ERO1B: variants seen among roughly 807,000 people sequenced by gnomAD.
The protein encoded by ERO1B is endoplasmic reticulum oxidoreductase 1 beta.
Under a neutral mutation model 75.3 loss-of-function variants are expected in ERO1B, and 49 were observed. That is an observed-to-expected ratio of 0.65 (90% CI 0.52 to 0.83). The LOEUF is 0.83. ERO1B is among the 40% of genes least tolerant of loss of function. ERO1B has a pLI of 0.00. For missense variants in ERO1B, 512 were observed against 560.1 expected, an observed-to-expected ratio of 0.91 and a Z score of 0.87; for synonymous variants, 191 against 192.9, an observed-to-expected ratio of 0.99 and a Z score of 0.08.
chr1:236,263,515 C>T (rs1205252373), intron 2 of ERO1B, among the ~76,000 whole-genome samples: 2 of 152,078 alleles, frequency 1.3e-5, no homozygotes, highest in Non-Finnish European at 2.9e-5. Flanking sequence ...TCCCAAAGTG[C>T]TTGGATTACA....
intron 5 of ERO1B, among the ~76,000 whole-genome samples, chr1:236,246,630 C>T (rs1007036292): frequency 6.6e-6 from 1 of 152,124 alleles, no homozygotes; most frequent in Admixed American, 6.6e-5. Flanking sequence ...CACATGTTAA[C>T]AAAAAGAAGC....
At chr1:236,275,137 C>T (rs1400851391) in intron 1 of ERO1B, among the ~76,000 whole-genome samples, 1 of 152,244 alleles carries the variant, frequency 6.6e-6, no homozygotes, top group African/African-American at 2.4e-5. Context: ...TATTTTCTCA[C>T]ACCAACCAAT....
At chr1:236,253,244 C>G (rs953617660) in intron 3 of ERO1B, among the ~76,000 whole-genome samples, 178 bp downstream of exon 3, 1 of 152,132 alleles carries the variant, frequency 6.6e-6, no homozygotes, top group African/African-American at 2.4e-5. Flanking sequence ...TCTTCAAACC[C>G]ATTTTGGTGT....
At chr1:236,280,116 T>A (rs796582237) in intron 1 of ERO1B, among the ~76,000 whole-genome samples, 2 of 152,126 alleles carry the variant, frequency 1.3e-5, no homozygotes, top group East Asian at 3.8e-4. Context: ...AGTCCCCATC[T>A]CTACACAAGA....
Position 236,215,390 on chromosome 1 carries a change from T to C in ERO1B, c.*3126A>G, listed in dbSNP as rs955110357. Among the ~76,000 whole-genome samples, 1 of 152,198 alleles carries C rather than the reference T, an allele frequency of 6.6e-6. No individual in the cohort carries two copies. Among genetic ancestry groups the C allele is most frequent in the Non-Finnish European group, 1.5e-5 (1 of 68,026 alleles). ...TATTCTTTTAAAGCCAAACTATGCA[T>C]GTAAAAGCCCTTAATACAATGCCAG... is the stretch of plus-strand genomic sequence containing the variant. On this transcript the variant is annotated 3_prime_UTR_variant, in exon 16 of 16. Coordinates refer to ENST00000354619, the MANE Select transcript of ERO1B (RefSeq NM_019891.4).
chr1:236,257,972 GA>G (rs2102959590), intron 2 of ERO1B, among the ~76,000 whole-genome samples: 1 of 151,518 alleles, frequency 6.6e-6, no homozygotes, highest in South Asian at 2.1e-4. Context: ...CAGAGTACCA[GA>G]AGGAGAAGAA....
chr1:236,218,471 TC>T lies in ERO1B; in HGVS notation c.*44del. ...ATGAATGTCCATAATTAAAAGGCTT[TC>T]CACAGTCACTTTATGTCTCTAGTTA... On this transcript the variant is annotated 3_prime_UTR_variant, in exon 16 of 16. Coordinates refer to ENST00000354619, the MANE Select transcript of ERO1B (RefSeq NM_019891.4). The T allele has an allele frequency of 7.2e-7, 1 of 1,390,160 alleles. No individual in the cohort carries two copies. The highest frequency in any genetic ancestry group is 9.4e-7 in the Non-Finnish European group (1 of 1,063,196). 86.1% of individuals were successfully genotyped at this position (1,390,160 alleles called of 1,614,324 possible).
At chr1:236,253,362 T>C (rs1665084377) in intron 3 of ERO1B, 60 bp downstream of exon 3, 2 of 983,554 alleles carry the variant, frequency 2.0e-6, no homozygotes, top group African/African-American at 1.6e-5. Flanking sequence ...AAATAGAGGT[T>C]ATGCTTTTCT....
At chr1:236,225,488 C>T (rs1333375307) in intron 12 of ERO1B, among the ~76,000 whole-genome samples, 2 of 152,178 alleles carry the variant, frequency 1.3e-5, no homozygotes, top group East Asian at 3.8e-4. Flanking sequence ...ACTTTTTAAT[C>T]TTTCTCTTCC....
intron 9 of ERO1B, among the ~76,000 whole-genome samples, chr1:236,231,080 C>T (rs1664397423): frequency 8.1e-6 from 1 of 123,774 alleles, no homozygotes; most frequent in South Asian, 2.7e-4. Flanking sequence ...ATAATTAACA[C>T]AAACGTCCAA....
chr1:236,274,143 C>T (rs1232843065), intron 1 of ERO1B, among the ~76,000 whole-genome samples: 2 of 151,944 alleles, frequency 1.3e-5, no homozygotes, highest in East Asian at 1.9e-4. Context: ...GCCACCATGC[C>T]CAGCTAATTT....
At chr1:236,273,506 C>G (rs1275909337) in intron 1 of ERO1B, among the ~76,000 whole-genome samples, 1 of 152,176 alleles carries the variant, frequency 6.6e-6, no homozygotes, top group East Asian at 1.9e-4. Flanking sequence ...GGCACATATT[C>G]TGGTGTAAAA....
intron 7 of ERO1B, 94 bp downstream of exon 7, chr1:236,236,184 C>G (rs1664538839): frequency 5.3e-6 from 8 of 1,520,758 alleles, no homozygotes; most frequent in Non-Finnish European, 7.2e-6. Flanking sequence ...ACCTTGGCCT[C>G]CCAAAGTGCT....
intron 5 of ERO1B, among the ~76,000 whole-genome samples, chr1:236,249,154 T>C (rs1338720764): frequency 6.6e-6 from 1 of 151,850 alleles, no homozygotes; most frequent in African/African-American, 2.4e-5. Flanking sequence ...GCCTCTCAGG[T>C]AGCTGGGATT....
At position 236,235,769 on chromosome 1, in the gene ERO1B, T is replaced by C. The variant is rs760814187; in HGVS notation, c.673+20A>G. On this transcript the variant is annotated intron_variant, in intron 8 of 15. Coordinates refer to ENST00000354619, the MANE Select transcript of ERO1B (RefSeq NM_019891.4). Reference sequence around the variant, plus strand: ...TTATAAACAATGAAAAGCATGAAAATGTACATATGAAAAACCTACCTCGGC... The same window carrying C: ...TTATAAACAATGAAAAGCATGAAAACGTACATATGAAAAACCTACCTCGGC... The C allele has an allele frequency of 6.3e-6, 10 of 1,595,338 alleles. No homozygotes were observed. The highest frequency in any genetic ancestry group is 1.1e-5 in the South Asian group (1 of 87,666).
intron 9 of ERO1B, among the ~76,000 whole-genome samples, chr1:236,231,946 A>G (rs184907662): frequency 6.6e-6 from 1 of 152,244 alleles, no homozygotes; most frequent in African/African-American, 2.4e-5. Context: ...ACCTACCACT[A>G]AAAGGGTCTC....
At chr1:236,252,462 G>A (rs1665052608) in intron 3 of ERO1B, among the ~76,000 whole-genome samples, 1 of 152,068 alleles carries the variant, frequency 6.6e-6, no homozygotes, top group South Asian at 2.1e-4. Flanking sequence ...AAAATTATTT[G>A]CAATGTATTA....
At chr1:236,263,463 G>A (rs1749579) in intron 2 of ERO1B, among the ~76,000 whole-genome samples, 37,818 of 151,500 alleles carry the variant, frequency 0.25, 4,892 homozygotes, top group East Asian at 0.38. Flanking sequence ...TTGGCCAGGC[G>A]GGTCTCGAAC....
intron 1 of ERO1B, among the ~76,000 whole-genome samples, chr1:236,272,323 C>T (rs1435732353): frequency 1.3e-5 from 2 of 151,962 alleles, no homozygotes; most frequent in Non-Finnish European, 2.9e-5. Flanking sequence ...TACCCATCAA[C>T]GGTGGATGGA....
Sources: gnomAD v4.1 joint callset for allele counts (sites outside exome capture counted in the v4.1 genomes callset) on GRCh38, gnomAD v4.1.1 for gene constraint, MANE v1.5 for transcripts, NCBI Gene and HGNC (gene_info 2026-07-23, HGNC 2026-07-21) for gene names.